Variants in NBN observed in about 807,000 individuals in gnomAD.
The protein encoded by NBN is Nijmegen breakage syndrome 1 (nibrin).
In NBN, 88 loss-of-function variants were observed where a neutral mutation model predicts 90.8. The ratio of observed to expected loss-of-function variants is 0.97; its 90% CI spans 0.82 to 1.16. NBN has a LOEUF of 1.16. Ranked by LOEUF, NBN falls within the 50% of genes most tolerant of loss-of-function variation. NBN has a pLI of 0.00. For synonymous variants in NBN, 328 were observed against 295.1 expected (o/e 1.11, Z -1.14); for missense variants, 894 against 869.6 (o/e 1.03, Z -0.35).
chr8:89,979,044 C>G (rs1483483803), intron 4 of NBN, among the ~76,000 whole-genome samples: 1 of 152,126 alleles, frequency 6.6e-6, no homozygotes, highest in Non-Finnish European at 1.5e-5. Flanking sequence ...GTGGCGTGAT[C>G]CTGGTTCACT....
chr8:89,981,000 TTTTA>T lies in NBN; in HGVS notation c.321-111_321-108del, dbSNP rs878944755. On this transcript the variant is annotated intron_variant, in intron 3 of 15. Transcript: ENST00000265433. ...TCACATCATATACTGTTATTGTAAC[TTTTA>T]TTTATTGTTACCCTTTGTAACCTAT... 8 of 963,758 alleles carry T rather than the reference TTTTA, an allele frequency of 8.3e-6. No individual in the cohort carries two copies. In the South Asian group the frequency reaches 1.1e-4, roughly 14 times the overall value. The allele number at this position is 963,758 out of a possible 1,614,324, so 59.7% of individuals were successfully genotyped here. A position where few individuals can be genotyped will look rare whatever the true frequency, so the allele number is the denominator to read the frequency against.
At chr8:89,947,913 A>T in intron 11 of NBN, 21 bp from the exon 12 acceptor site, 1 of 1,418,484 alleles carries the variant, frequency 7.0e-7, no homozygotes, top group Non-Finnish European at 9.8e-7. Context: ...AAAATAAAAA[A>T]TACTGTTCAT....
Position 89,953,547 on chromosome 8 carries a change from C to G in NBN, c.1542G>C (p.Val514=). The G allele has an allele frequency of 6.2e-7, 1 of 1,613,620 alleles. No homozygotes were observed. The highest frequency in any genetic ancestry group is 8.5e-7 in the Non-Finnish European group (1 of 1,179,806). ...KEQHLSENEP[V]DTNSDNNLFT... ...ATAAGTTATTGTCTGAGTTTGTGTC[C>G]ACAGGCTCATTCTCAGATAGATGCT... Residue 514 remains valine, a synonymous_variant, in exon 11 of 16, where the codon GTG becomes GTC. Transcript: ENST00000265433.
At position 89,971,484 on chromosome 8, in the gene NBN, G is replaced by A. The variant is rs145585879; in HGVS notation, c.585-194C>T. Among the ~76,000 whole-genome samples, 1,068 of 152,078 alleles carry A rather than the reference G, an allele frequency of 7.0e-3. 7 individuals carry two copies. The highest frequency in any genetic ancestry group is 0.031 in the Middle Eastern group (9 of 294). On this transcript the variant is annotated intron_variant, in intron 5 of 15. Transcript: ENST00000265433. ...CGCGTTTTCTAGAAATATGGTGGCA[G>A]GTGACACAAAGAAGAGCTAGAATTG...
At chr8:89,946,965 T>C (rs915664376) in intron 12 of NBN, among the ~76,000 whole-genome samples, 3 of 152,150 alleles carry the variant, frequency 2.0e-5, no homozygotes, top group African/African-American at 7.2e-5. Context: ...CTGCTTAAGG[T>C]TGACATCTTA....
At chr8:89,979,965 G>A (rs1811979093) in intron 4 of NBN, among the ~76,000 whole-genome samples, 1 of 152,194 alleles carries the variant, frequency 6.6e-6, no homozygotes, top group South Asian at 2.1e-4. Flanking sequence ...TGGTAAAGGT[G>A]CATCCCTACT....
In NBN at chr8:89,935,586, C is replaced by A; in HGVS notation, c.2261G>T (p.Arg754Ile). 6.2e-7 allele frequency: 1 copy of A among 1,609,910 alleles called. No homozygotes were observed. The change falls in exon 16 of 16, where the codon AGA (arginine) becomes ATA (isoleucine). Residue 754 changes from arginine to isoleucine, a missense_variant. By Grantham distance (97) the Arg-to-Ile change is moderately conservative (BLOSUM62 -3). Coordinates refer to ENST00000265433, the MANE Select transcript of NBN (RefSeq NM_002485.5). ...GCTTCTTTTTAAAATCCTCAGTTAT[C>A]TTCTCCTTTTTAAATAAGGATTGTA... ...FRYNPYLKRR[R>I]
rs587782746 is a variant in NBN, at chr8:89,970,506, T to C, written c.754A>G (p.Ile252Val). 1.9e-6 allele frequency: 3 copies of C among 1,613,920 alleles called. No individual in the cohort carries two copies. The highest frequency in any genetic ancestry group is 2.2e-5 in the South Asian group (2 of 91,084). Residue 252 changes from isoleucine (I) to valine (V), a missense_variant, in exon 7 of 16, where the codon ATA (isoleucine) becomes GTA (valine). Physicochemically the swap from Ile to Val is conservative, Grantham distance 29. Coordinates refer to ENST00000265433, the MANE Select transcript of NBN (RefSeq NM_002485.5). ...VVFGGGEARL[I>V]TEENEEEHNF... ...TGTTCTTCTTCATTCTCTTCTGTTA[T>C]CAACCTAGCTTCCCCACCTCCAAAG...
At chr8:89,984,243 G>T in intron 1 of NBN, 2 of 549,420 alleles carry the variant, frequency 3.6e-6, no homozygotes, top group Non-Finnish European at 6.6e-6. Context: ...GCAACGGCGC[G>T]GGGGTGAGGC....
At chr8:89,957,436 T>C (rs1346511852) in intron 9 of NBN, among the ~76,000 whole-genome samples, 1 of 152,248 alleles carries the variant, frequency 6.6e-6, no homozygotes, top group Non-Finnish European at 1.5e-5. Context: ...TATTAAAGTT[T>C]ACAGAGTACA....
chr8:89,949,434 G>A (rs1414728673), intron 11 of NBN, among the ~76,000 whole-genome samples: 1 of 152,186 alleles, frequency 6.6e-6, no homozygotes, highest in Non-Finnish European at 1.5e-5. Flanking sequence ...TGAGAAAGGA[G>A]AGTACAATGA....
chr8:89,984,464 C>A, intron 1 of NBN, 61 bp downstream of exon 1: 1 of 1,499,270 alleles, frequency 6.7e-7, no homozygotes, highest in Non-Finnish European at 9.3e-7. Context: ...CACCCGCAGG[C>A]CCTCCCCCGA....
intron 7 of NBN, among the ~76,000 whole-genome samples, chr8:89,965,705 G>A (rs1451309704): frequency 6.6e-6 from 1 of 152,062 alleles, no homozygotes; most frequent in Non-Finnish European, 1.5e-5. Flanking sequence ...GGCCAGGCTG[G>A]TATCGAACTC....
In NBN at chr8:89,981,719, AC is replaced by A. The variant is rs1812079093; in HGVS notation, c.172-197del. 1.1e-5 allele frequency: 7 copies of A among 610,052 alleles called. No individual in the cohort carries two copies. The East Asian group carries it at 2.1e-4, about 18-fold the overall frequency. 37.8% of individuals were successfully genotyped at this position (610,052 alleles called of 1,614,324 possible). ...TATTTCCCCTTAGGGAAGTTTCTTA[AC>A]CCAGGAATACCCCTCCTAGAACACA... On this transcript the variant is annotated intron_variant, in intron 2 of 15. Transcript: ENST00000265433.
Position 89,964,551 on chromosome 8 carries a change from A to C in NBN, c.897-44T>G, listed in dbSNP as rs553968420. 3.9e-6 allele frequency: 6 copies of C among 1,524,356 alleles called. No individual in the cohort carries two copies. In the South Asian group the frequency reaches 6.8e-5, roughly 17 times the overall value. The allele number at this position is 1,524,356 out of a possible 1,614,324, so 94.4% of individuals were successfully genotyped here. A position where few individuals can be genotyped will look rare whatever the true frequency, so the allele number is the denominator to read the frequency against. ...TTAAGTATGATAATATATTAAAACTAGCAACTTTTATTCAGATAATGTCAA... is the reference window on the plus strand; with the variant it reads ...TTAAGTATGATAATATATTAAAACTCGCAACTTTTATTCAGATAATGTCAA... On this transcript the variant is annotated intron_variant, in intron 7 of 15. Transcript: ENST00000265433.
intron 11 of NBN, among the ~76,000 whole-genome samples, chr8:89,950,807 C>T (rs190718652): frequency 1.3e-5 from 2 of 152,168 alleles, no homozygotes; most frequent in East Asian, 3.9e-4. Flanking sequence ...GTATAGTGCT[C>T]AGTTCTTGTC....
At chr8:89,984,318 C>T in intron 1 of NBN, 1 of 632,618 alleles carries the variant, frequency 1.6e-6, no homozygotes, top group South Asian at 1.8e-5. Flanking sequence ...CGCAATCACC[C>T]CACCGCCCGC....
chr8:89,955,229 T>A, intron 10 of NBN, 54 bp downstream of exon 10: 1 of 1,529,152 alleles, frequency 6.5e-7, no homozygotes, highest in Non-Finnish European at 9.0e-7. Context: ...TACAACAGTA[T>A]AAAAAACTTT....
chr8:89,945,705 T>C (rs1810154224), intron 13 of NBN, among the ~76,000 whole-genome samples: 2 of 152,204 alleles, frequency 1.3e-5, no homozygotes. Flanking sequence ...ATACTCAGCA[T>C]ATATATTTAT....
Sources: gnomAD v4.1 joint callset for allele counts (sites outside exome capture counted in the v4.1 genomes callset) on GRCh38, gnomAD v4.1.1 for gene constraint, MANE v1.5 for transcripts, NCBI Gene and HGNC (gene_info 2026-07-23, HGNC 2026-07-21) for gene names.